ARMC1: variants seen among roughly 807,000 people sequenced by gnomAD.
ARMC1 encodes armadillo repeat-containing protein 1.
ARMC1 carries 16 observed loss-of-function variants against 31.4 expected under a neutral mutation model. The ratio of observed to expected loss-of-function variants is 0.51; its 90% CI spans 0.34 to 0.77. The LOEUF is 0.77. Ranked by LOEUF, ARMC1 falls within the 30% of genes least tolerant of loss-of-function variation. ARMC1 has a pLI of 0.01. For missense variants in ARMC1, 259 were observed against 347.5 expected (o/e 0.75, Z 2.02); for synonymous variants, 114 against 118.9 (o/e 0.96, Z 0.27).
At chr8:65,611,964 G>A (rs1234598836) in intron 4 of ARMC1, among the ~76,000 whole-genome samples, 2 of 151,712 alleles carry the variant, frequency 1.3e-5, no homozygotes, top group African/African-American at 4.8e-5. Flanking sequence ...TAGAGATGGG[G>A]TTTCACTATG....
At chr8:65,605,225 G>C (rs774647316) in intron 6 of ARMC1, 38 bp downstream of exon 6, 1 of 1,533,526 alleles carries the variant, frequency 6.5e-7, no homozygotes, top group Admixed American at 1.9e-5. Flanking sequence ...ATAATTGAGA[G>C]TGAGTTGGAT....
At chr8:65,633,416 G>T (rs1164498803) in intron 1 of ARMC1, among the ~76,000 whole-genome samples, 3 of 152,132 alleles carry the variant, frequency 2.0e-5, no homozygotes, top group Non-Finnish European at 4.4e-5. Flanking sequence ...AAGTAAGAAC[G>T]CGAAATGGTA....
At chr8:65,632,732 A>G (rs1395595466) in intron 1 of ARMC1, among the ~76,000 whole-genome samples, 1 of 152,202 alleles carries the variant, frequency 6.6e-6, no homozygotes, top group East Asian at 1.9e-4. Flanking sequence ...GGGTTGAGGC[A>G]GGAGAATCGC....
chr8:65,629,855 CTA>C (rs936761152), intron 1 of ARMC1, among the ~76,000 whole-genome samples: 1 of 149,238 alleles, frequency 6.7e-6, no homozygotes, highest in Non-Finnish European at 1.5e-5. Flanking sequence ...CTTAAAATGG[CTA>C]TGAGTTGCCA....
At chr8:65,628,240 T>C (rs1808555749) in intron 1 of ARMC1, among the ~76,000 whole-genome samples, 1 of 151,924 alleles carries the variant, frequency 6.6e-6, no homozygotes, top group Non-Finnish European at 1.5e-5. Flanking sequence ...GCATACTTTG[T>C]TTTCCTTGTT....
At chr8:65,614,602 T>C (rs1476305756) in intron 3 of ARMC1, among the ~76,000 whole-genome samples, 1 of 152,182 alleles carries the variant, frequency 6.6e-6, no homozygotes, top group Non-Finnish European at 1.5e-5. Context: ...AACCCTTTAA[T>C]GTACACTCAA....
At position 65,605,620 on chromosome 8, in the gene ARMC1, G is replaced by C. The variant is rs552231273; in HGVS notation, c.466-82C>G. 250 of 982,344 alleles carry C rather than the reference G, an allele frequency of 2.5e-4. 4 individuals are homozygous for C. In the South Asian group the frequency reaches 2.6e-3, roughly 10 times the overall value. The allele number at this position is 982,344 out of a possible 1,614,324, so 60.9% of individuals were successfully genotyped here. A position where few individuals can be genotyped will look rare whatever the true frequency, so the allele number is the denominator to read the frequency against. On this transcript the variant is annotated intron_variant, in intron 4 of 6. Coordinates refer to ENST00000276569, the MANE Select transcript of ARMC1 (RefSeq NM_018120.6). The stretch of plus-strand genomic sequence containing the variant: ...GTGAAAACCAAGCTATATTTTGGAG[G>C]GGGGAAGAGAGCAAATGACCTATTT...
At chr8:65,611,810 G>A (rs148237390) in intron 4 of ARMC1, among the ~76,000 whole-genome samples, 6,273 of 147,658 alleles carry the variant, frequency 0.042, 190 homozygotes, top group Non-Finnish European at 0.063. Flanking sequence ...GTCTCACTCT[G>A]TCACTCAGGC....
intron 4 of ARMC1, among the ~76,000 whole-genome samples, chr8:65,612,342 G>C (rs1195686894): frequency 5.3e-5 from 8 of 151,840 alleles, no homozygotes; most frequent in African/African-American, 1.9e-4. Flanking sequence ...TATAGTCCCA[G>C]CTACTCAGGA....
intron 4 of ARMC1, among the ~76,000 whole-genome samples, chr8:65,610,939 CT>C (rs796885521): frequency 1.1e-3 from 161 of 144,584 alleles, no homozygotes; most frequent in Admixed American, 1.0e-3. Context: ...TTCACTTATC[CT>C]TTTTTTTTTT....
chr8:65,618,105 G>A (rs1179505943), intron 3 of ARMC1, among the ~76,000 whole-genome samples: 2 of 152,012 alleles, frequency 1.3e-5, no homozygotes, highest in African/African-American at 4.8e-5. Flanking sequence ...TAGCAGAGAT[G>A]GGGTTTCGCC....
intron 4 of ARMC1, among the ~76,000 whole-genome samples, chr8:65,610,826 G>A (rs1024334151): frequency 1.3e-5 from 2 of 151,928 alleles, no homozygotes; most frequent in African/African-American, 4.8e-5. Flanking sequence ...ACAACTAATT[G>A]GGTCATCTGT....
In ARMC1 at chr8:65,619,626, C is replaced by A. The variant is rs10957361; in HGVS notation, c.275+2637G>T. ...TGTTGGGAGGCCGAGATAGGAGGAT[C>A]ACTTGAGTCCAGGAGTTCGAAACCA... On this transcript the variant is annotated intron_variant, in intron 3 of 6. Transcript: ENST00000276569. Among the ~76,000 whole-genome samples, 13 of 151,838 alleles carry A rather than the reference C, an allele frequency of 8.6e-5. No individual in the cohort carries two copies. In the South Asian group the frequency reaches 2.7e-3, roughly 32 times the overall value.
chr8:65,624,949 C>T (rs1428222765), intron 2 of ARMC1, among the ~76,000 whole-genome samples: 1 of 152,128 alleles, frequency 6.6e-6, no homozygotes, highest in South Asian at 2.1e-4. Context: ...GGTGAAAAAC[C>T]GTCTCTACTA....
chr8:65,627,270 G>A lies in ARMC1; in HGVS notation c.129C>T (p.Gly43=), dbSNP rs1238781211. The A allele has an allele frequency of 1.2e-6, 2 of 1,612,340 alleles. No individual in the cohort carries two copies. The highest frequency in any genetic ancestry group is 2.2e-5 in the East Asian group (1 of 44,808). ...AIVQDQGCLP[G]LILFMDHPNP... ...TGGGATGGTCCATAAATAAAATAAG[G>A]CCAGGCAGACATCCCTGATCCTGGA... Residue 43 remains glycine, a synonymous_variant, in exon 2 of 7, where the codon GGC becomes GGT. Transcript: ENST00000276569.
chr8:65,622,491 A>C, intron 2 of ARMC1, 137 bp from the exon 3 acceptor site: 1 of 628,512 alleles, frequency 1.6e-6, no homozygotes, highest in Non-Finnish European at 2.7e-6. Context: ...AAATGAGATG[A>C]TTCAGAATTA....
Position 65,602,653 on chromosome 8 carries a change from C to G in ARMC1, c.*1741G>C, listed in dbSNP as rs1807916209. The stretch of plus-strand genomic sequence containing the variant: ...CAAAGGGATGTAGTTTTTAAATAAG[C>G]AGATGTGTGGCAATGCAAAATAAAA... On this transcript the variant is annotated 3_prime_UTR_variant, in exon 7 of 7. Transcript: ENST00000276569. 6.6e-6 allele frequency: 1 copy of G among 152,084 alleles called. No homozygotes were observed. The highest frequency in any genetic ancestry group is 2.4e-5 in the African/African-American group (1 of 41,426). 9.4% of individuals were successfully genotyped at this position (152,084 alleles called of 1,614,324 possible). A position where few individuals can be genotyped will look rare whatever the true frequency, so the allele number is the denominator to read the frequency against.
chr8:65,616,851 ACCCGGCAGCCGC>A (rs1563415631), intron 3 of ARMC1, among the ~76,000 whole-genome samples: 5 of 118,570 alleles, frequency 4.2e-5, no homozygotes, highest in African/African-American at 1.7e-4. Context: ...GAGCCCCTCC[ACCCGGCAGCCGC>A]CCTGTCTGAG....
chr8:65,614,340 C>A (rs1035456277), intron 3 of ARMC1, among the ~76,000 whole-genome samples: 1 of 152,134 alleles, frequency 6.6e-6, no homozygotes, highest in Non-Finnish European at 1.5e-5. Flanking sequence ...AATCTTTCTG[C>A]AATGATAGAA....
Sources: gnomAD v4.1 joint callset for allele counts (sites outside exome capture counted in the v4.1 genomes callset) on GRCh38, gnomAD v4.1.1 for gene constraint, MANE v1.5 for transcripts, NCBI Gene and HGNC (gene_info 2026-07-23, HGNC 2026-07-21) for gene names.